The following RARB variants were observed in gnomAD, a reference collection of about 807,000 sequenced individuals.
RARB encodes HBV-activated protein.
A neutral mutation model predicts 51.9 loss-of-function variants in RARB; 17 were observed. That is an observed-to-expected ratio of 0.33 (90% CI 0.22 to 0.49). RARB has a LOEUF of 0.49. RARB is among the 20% of genes least tolerant of loss of function. RARB has a pLI of 0.99. For missense variants in RARB, 369 were observed against 550.8 expected (o/e 0.67, Z 3.30); for synonymous variants, 215 against 195.4 (o/e 1.10, Z -0.84).
intron 2 of RARB, among the ~76,000 whole-genome samples, chr3:24,963,350 C>T (rs994949669): frequency 3.5e-4 from 53 of 150,602 alleles, no homozygotes; most frequent in African/African-American, 1.2e-3. Flanking sequence ...ACACTGGAAA[C>T]GCATCTATTT....
intron 3 of RARB, among the ~76,000 whole-genome samples, chr3:25,131,158 A>G (rs2125333096): frequency 6.6e-6 from 1 of 152,126 alleles, no homozygotes; most frequent in South Asian, 2.1e-4. Flanking sequence ...ACATGCCCAG[A>G]AATCAAACCC....
In RARB at chr3:25,141,463, T is replaced by C. The variant is rs78444367; in HGVS notation, c.-280+9255T>C. On this transcript the variant is annotated intron_variant, in intron 4 of 11. Transcript: ENST00000383772. The stretch of plus-strand genomic sequence containing the variant: ...GTGGCCACTGATAGGTAGAATGATC[T>C]GCCAATTTCAGAGGGTCTTAGGAGA... Among the ~76,000 whole-genome samples, 523 of 152,324 alleles carry C rather than the reference T, an allele frequency of 3.4e-3. 6 individuals carry two copies. In the East Asian group the frequency reaches 0.043, roughly 13 times the overall value.
Position 24,912,975 on chromosome 3 carries a change from C to CTTTTTTTTTTTTTTTTTTTTTTTT in RARB, c.-380+54245_-380+54246insTTTTTTTTTTTTTTTTTTTTTTTT, listed in dbSNP as rs386396163. On this transcript the variant is annotated intron_variant, in intron 2 of 11. Transcript: ENST00000383772. Reference sequence around the variant, plus strand: ...GCAATACGCACACAAGGTACTGATTCTTTTTTTTTTTTTTTTTTTTTTGGA... The same window carrying CTTTTTTTTTTTTTTTTTTTTTTTT: ...GCAATACGCACACAAGGTACTGATTCTTTTTTTTTTTTTTTTTTTTTTTTTTTTTTTTTTTTTTTTTTTTTTGGA... 2.6e-3 allele frequency among the ~76,000 whole-genome samples: 192 copies of CTTTTTTTTTTTTTTTTTTTTTTTT among 75,030 alleles called. 35 individuals are homozygous for CTTTTTTTTTTTTTTTTTTTTTTTT. Among genetic ancestry groups the CTTTTTTTTTTTTTTTTTTTTTTTT allele is most frequent in the Admixed American group, 3.8e-3 (17 of 4,430 alleles). The allele number at this position is 75,030 out of a possible 152,430, so 49.2% of individuals were successfully genotyped here.
Position 24,994,641 on chromosome 3 carries a change from G to C in RARB, c.-379-65484G>C, listed in dbSNP as rs113456698. Among the ~76,000 whole-genome samples, 1,519 of 152,068 alleles carry C rather than the reference G, an allele frequency of 1.0e-2. 8 individuals are homozygous for C. The highest frequency in any genetic ancestry group is 0.017 in the Middle Eastern group (5 of 294). On this transcript the variant is annotated intron_variant, in intron 2 of 11. Coordinates refer to the RARB transcript ENST00000383772. ...TTTATTGTTTCGGGTACCACATGTA[G>C]GTATTTGGTCTATTGTGAGTTGATT...
At chr3:25,344,947 G>A (rs867443570) in intron 5 of RARB, among the ~76,000 whole-genome samples, 2 of 151,438 alleles carry the variant, frequency 1.3e-5, no homozygotes, top group Non-Finnish European at 2.9e-5. Flanking sequence ...TATTTGGCAT[G>A]TTTGTAAGTT....
At chr3:25,266,178 T>C (rs1033652024) in intron 5 of RARB, among the ~76,000 whole-genome samples, 1 of 152,166 alleles carries the variant, frequency 6.6e-6, no homozygotes, top group African/African-American at 2.4e-5. Context: ...TCCTGGGTGT[T>C]AGGACATAAA....
chr3:25,046,299 TC>T (rs1698212234), intron 2 of RARB, among the ~76,000 whole-genome samples: 1 of 152,144 alleles, frequency 6.6e-6, no homozygotes, highest in Non-Finnish European at 1.5e-5. Flanking sequence ...ATCAAAATAG[TC>T]AGTCTCCTAA....
intron 2 of RARB, among the ~76,000 whole-genome samples, chr3:25,485,862 C>G (rs1308360992): frequency 6.6e-6 from 1 of 152,046 alleles, no homozygotes; most frequent in African/African-American, 2.4e-5. Context: ...ATGGGGCTGT[C>G]TAGATTCTGG....
chr3:24,842,283 G>A (rs1469091036), intron 1 of RARB, among the ~76,000 whole-genome samples: 2 of 152,080 alleles, frequency 1.3e-5, no homozygotes, highest in African/African-American at 2.4e-5. Flanking sequence ...CTATAGTTAG[G>A]TCAGCACATT....
intron 4 of RARB, among the ~76,000 whole-genome samples, chr3:25,141,125 G>A (rs192525197): frequency 1.9e-4 from 29 of 152,062 alleles, no homozygotes; most frequent in Non-Finnish European, 4.0e-4. Context: ...ATTAAAAAAT[G>A]TGTCTCTTTT....
At chr3:24,833,798 G>A (rs1024860596) in intron 1 of RARB, among the ~76,000 whole-genome samples, 2 of 152,200 alleles carry the variant, frequency 1.3e-5, no homozygotes, top group Non-Finnish European at 2.9e-5. Context: ...AGACCTGCCA[G>A]TATTGGTGGA....
intron 2 of RARB, among the ~76,000 whole-genome samples, chr3:25,014,146 C>G (rs1575119218): frequency 6.6e-6 from 1 of 152,110 alleles, no homozygotes; most frequent in Non-Finnish European, 1.5e-5. Context: ...CATTTTGTGG[C>G]ATATGTTTTT....
chr3:25,448,281 T>A (rs1399090807), intron 1 of RARB, among the ~76,000 whole-genome samples: 4 of 152,172 alleles, frequency 2.6e-5, no homozygotes, highest in Non-Finnish European at 5.9e-5. Context: ...GGAAGGTTGG[T>A]GAAAATGTCT....
In RARB at chr3:25,201,642, C is replaced by G. The variant is rs527474265; in HGVS notation, c.178+27067C>G. ...TTTATTGAGAGTTTTTAGCATGAAG[C>G]GTTGTTGAGTTTTGTCAAAGGCCTT... On this transcript the variant is annotated intron_variant, in intron 5 of 11. Transcript: ENST00000383772. Among the ~76,000 whole-genome samples the G allele has an allele frequency of 1.5e-3, 232 of 152,018 alleles. 1 individual carries two copies. The highest frequency in any genetic ancestry group is 5.4e-3 in the African/African-American group (225 of 41,488).
chr3:25,230,816 A>C lies in RARB; in HGVS notation c.178+56241A>C, dbSNP rs577444874. Among the ~76,000 whole-genome samples the C allele has an allele frequency of 2.0e-5, 3 of 152,234 alleles. No homozygotes were observed. In the South Asian group the frequency reaches 6.2e-4, roughly 32 times the overall value. ...GGGTAGCCACTAGCCACTTGTAGCT[A>C]TTGAGCACGTGCTCAATAATAAAAT... On this transcript the variant is annotated intron_variant, in intron 5 of 11. Transcript: ENST00000383772.
chr3:25,051,516 G>A (rs150402705), intron 2 of RARB, among the ~76,000 whole-genome samples: 146 of 152,124 alleles, frequency 9.6e-4, no homozygotes, highest in South Asian at 8.9e-3. Flanking sequence ...AGATCAAGCG[G>A]TATATCTTTG....
intron 2 of RARB, among the ~76,000 whole-genome samples, chr3:25,475,310 C>CA (rs1342383091): frequency 6.6e-6 from 1 of 151,786 alleles, no homozygotes; most frequent in African/African-American, 2.4e-5. Context: ...GAAATATGAG[C>CA]ATTGGATGAG....
intron 5 of RARB, among the ~76,000 whole-genome samples, chr3:25,261,966 C>G (rs937268351): frequency 1.7e-4 from 26 of 152,076 alleles, no homozygotes; most frequent in African/African-American, 6.3e-4. Flanking sequence ...CAAACCCATC[C>G]TATATCCTCT....
At chr3:25,411,428 A>G (rs747619926) in intron 5 of RARB, among the ~76,000 whole-genome samples, 17 of 152,248 alleles carry the variant, frequency 1.1e-4, no homozygotes, top group Admixed American at 6.5e-5. Context: ...GATCCAGTGC[A>G]TGTTAAAACC....
Sources: gnomAD v4.1 joint callset for allele counts (sites outside exome capture counted in the v4.1 genomes callset) on GRCh38, gnomAD v4.1.1 for gene constraint, MANE v1.5 for transcripts, NCBI Gene and HGNC (gene_info 2026-07-23, HGNC 2026-07-21) for gene names.